COBL: variants seen among roughly 807,000 people sequenced by gnomAD.
COBL encodes cordon-bleu WH2 repeat protein.
COBL carries 51 observed loss-of-function variants against 98.8 expected under a neutral mutation model. That is an observed-to-expected ratio of 0.52 (90% CI 0.41 to 0.65). COBL has a LOEUF of 0.65. Among genes scored for constraint, COBL ranks in the 30% least tolerant of loss-of-function variants. The probability of loss-of-function intolerance (pLI) is 0.00; values close to 1 mark genes in which losing one functional copy is unlikely to be tolerated. For synonymous variants in COBL, 634 were observed against 651.7 expected (o/e 0.97, Z 0.41); for missense variants, 1,617 against 1,617.5 (o/e 1.00, Z 0.01).
intron 1 of COBL, among the ~76,000 whole-genome samples, chr7:51,267,030 A>G (rs545066286): frequency 6.6e-6 from 1 of 152,330 alleles, no homozygotes; most frequent in African/African-American, 2.4e-5. Flanking sequence ...TAAACCCAAA[A>G]GGTATCAAAG....
chr7:51,275,621 TCAGCTGCCACCAGCCACCAC>T (rs1360074173), intron 1 of COBL, among the ~76,000 whole-genome samples: 4 of 151,818 alleles, frequency 2.6e-5, no homozygotes, highest in Middle Eastern at 3.4e-3. Flanking sequence ...GCCACTGGCA[TCAGCTGCCACCAGCCACCAC>T]CAGCCGCCAC....
At chr7:51,243,829 A>G (rs900656721) in intron 1 of COBL, among the ~76,000 whole-genome samples, 1 of 150,292 alleles carries the variant, frequency 6.7e-6, no homozygotes, top group Non-Finnish European at 1.5e-5. Context: ...GCCTGCATGG[A>G]CCTTCAGGTG....
intron 1 of COBL, among the ~76,000 whole-genome samples, chr7:51,306,718 G>A (rs951388227): frequency 1.1e-4 from 16 of 152,064 alleles, no homozygotes; most frequent in African/African-American, 3.6e-4. Flanking sequence ...AAAATCCCAC[G>A]TAGGAGTCTC....
At chr7:51,147,548 A>T (rs1250969309) in intron 5 of COBL, among the ~76,000 whole-genome samples, 1 of 152,046 alleles carries the variant, frequency 6.6e-6, no homozygotes, top group Non-Finnish European at 1.5e-5. Flanking sequence ...AGCAACTTAG[A>T]ACTTTTTAAA....
chr7:51,163,898 G>T (rs78442167), intron 5 of COBL, among the ~76,000 whole-genome samples: 3,111 of 152,234 alleles, frequency 0.02, 42 homozygotes, highest in Middle Eastern at 0.048. Context: ...AAATGTATGT[G>T]TAATTTGGCT....
At chr7:51,193,199 T>C (rs1282374507) in intron 3 of COBL, among the ~76,000 whole-genome samples, 180 bp downstream of exon 3, 2 of 152,236 alleles carry the variant, frequency 1.3e-5, no homozygotes, top group African/African-American at 2.4e-5. Flanking sequence ...CATTATTCAA[T>C]TGTGTACATT....
chr7:51,058,165 G>T (rs888143811), intron 7 of COBL, among the ~76,000 whole-genome samples: 1 of 151,652 alleles, frequency 6.6e-6, no homozygotes, highest in Admixed American at 6.6e-5. Context: ...TTAAATGTTT[G>T]AAGAAAATCA....
intron 2 of COBL, among the ~76,000 whole-genome samples, chr7:51,193,876 C>G (rs1790355083): frequency 6.6e-6 from 1 of 152,144 alleles, no homozygotes; most frequent in Non-Finnish European, 1.5e-5. Context: ...GTTGGATCAT[C>G]TAAGGTCTGT....
At chr7:51,244,070 G>A (rs1419321266) in intron 1 of COBL, among the ~76,000 whole-genome samples, 1 of 152,160 alleles carries the variant, frequency 6.6e-6, no homozygotes, top group East Asian at 1.9e-4. Context: ...CCTGCAAGAT[G>A]GCTCTGCCCA....
rs150415328 is a variant in COBL at position 51,167,631 on chromosome 7, G to A, written c.783+16471C>T. On this transcript the variant is annotated intron_variant, in intron 5 of 12. Coordinates refer to ENST00000265136, the MANE Select transcript of COBL (RefSeq NM_015198.5). ...GCGAGAATAGTCAAAGCTATCCTAA[G>A]CAAAAATAACAAAACTGAAGGAATC... Among the ~76,000 whole-genome samples, 1,389 of 152,038 alleles carry A rather than the reference G, an allele frequency of 9.1e-3. 24 individuals are homozygous for A. The highest frequency in any genetic ancestry group is 0.032 in the African/African-American group (1,324 of 41,490).
intron 7 of COBL, among the ~76,000 whole-genome samples, chr7:51,083,534 A>G (rs1545125): frequency 0.42 from 63,471 of 152,050 alleles, 13,720 homozygotes; most frequent in African/African-American, 0.52. Context: ...GGGCTTGAAA[A>G]CTATTCTTCA....
chr7:51,084,012 A>C (rs1169550028), intron 7 of COBL, among the ~76,000 whole-genome samples: 3 of 152,204 alleles, frequency 2.0e-5, no homozygotes, highest in African/African-American at 4.8e-5. Flanking sequence ...GCTCTTCACG[A>C]AACAGGAGAA....
At chr7:51,240,235 C>T (rs1795662711) in intron 1 of COBL, among the ~76,000 whole-genome samples, 1 of 152,136 alleles carries the variant, frequency 6.6e-6, no homozygotes, top group Admixed American at 6.5e-5. Context: ...CACAAGTGGT[C>T]CTGCCTGTCA....
At chr7:51,080,783 C>G (rs1793573972) in intron 7 of COBL, among the ~76,000 whole-genome samples, 1 of 152,166 alleles carries the variant, frequency 6.6e-6, no homozygotes, top group Non-Finnish European at 1.5e-5. Flanking sequence ...CTCAGGAGCC[C>G]AGGGGTGAAC....
chr7:51,098,070 A>C (rs1795457967), intron 6 of COBL, among the ~76,000 whole-genome samples: 1 of 151,770 alleles, frequency 6.6e-6, no homozygotes, highest in African/African-American at 2.4e-5. Flanking sequence ...GGAGATAAAA[A>C]AGACTTGCAC....
At chr7:51,166,180 T>A (rs1424568339) in intron 5 of COBL, among the ~76,000 whole-genome samples, 1 of 151,928 alleles carries the variant, frequency 6.6e-6, no homozygotes, top group African/African-American at 2.4e-5. Context: ...AAACGTTGAT[T>A]TTTTAAAAGT....
At chr7:51,308,400 T>TCA (rs1386044831) in intron 1 of COBL, among the ~76,000 whole-genome samples, 3 of 152,136 alleles carry the variant, frequency 2.0e-5, no homozygotes, top group Admixed American at 6.6e-5. Context: ...ACGCCCACTC[T>TCA]CACACAGACA....
intron 7 of COBL, chr7:51,083,014 A>G (rs1166628035): frequency 1.3e-6 from 2 of 1,522,696 alleles, no homozygotes; most frequent in Non-Finnish European, 1.8e-6. Flanking sequence ...GTGCTCAGAG[A>G]GATGAACAGT....
At chr7:51,100,657 T>G (rs938809145) in intron 6 of COBL, among the ~76,000 whole-genome samples, 2 of 152,172 alleles carry the variant, frequency 1.3e-5, no homozygotes, top group Admixed American at 6.5e-5. Context: ...TCCCAGCACT[T>G]TGGGAGGCTG....
Sources: allele counts gnomAD v4.1 joint callset (sites outside exome capture counted in the v4.1 genomes callset), GRCh38; gene constraint gnomAD v4.1.1; transcripts MANE v1.5; gene names NCBI Gene and HGNC (gene_info 2026-07-23, HGNC 2026-07-21).